CLINT1: variants seen among roughly 807,000 people sequenced by gnomAD.
The protein encoded by CLINT1 is clathrin interactor 1, also known as clathrin interacting protein localized in the trans-Golgi region.
A neutral mutation model predicts 70.4 loss-of-function variants in CLINT1; 15 were observed. That is an observed-to-expected ratio of 0.21 (90% CI 0.14 to 0.33). CLINT1 has a LOEUF of 0.33. CLINT1 is among the 10% of genes least tolerant of loss of function. The pLI, the probability that CLINT1 is intolerant of heterozygous loss-of-function variation, is 1.00. For missense variants in CLINT1, 615 were observed against 778.1 expected (o/e 0.79, Z 2.49); for synonymous variants, 227 against 254.7 (o/e 0.89, Z 1.04).
intron 5 of CLINT1, 40 bp from the exon 6 acceptor site, chr5:157,809,845 T>C (rs757226282): frequency 1.3e-6 from 2 of 1,571,736 alleles, no homozygotes; most frequent in Admixed American, 1.9e-5. Context: ...TCTAACGACA[T>C]TAAATTCAAA....
At chr5:157,829,465 C>T (rs548215390) in intron 1 of CLINT1, among the ~76,000 whole-genome samples, 1 of 152,292 alleles carries the variant, frequency 6.6e-6, no homozygotes, top group East Asian at 1.9e-4. Context: ...CAACTTTATT[C>T]ATGTAACACT....
At chr5:157,799,280 T>C (rs1467568566) in intron 8 of CLINT1, among the ~76,000 whole-genome samples, 2 of 152,040 alleles carry the variant, frequency 1.3e-5, no homozygotes, top group African/African-American at 4.8e-5. Context: ...CCTACCCAAA[T>C]GATAAGTTAG....
chr5:157,789,633 T>A (rs1173091194), intron 10 of CLINT1, 120 bp from the exon 11 acceptor site: 2 of 1,292,374 alleles, frequency 1.5e-6, no homozygotes, highest in African/African-American at 2.9e-5. Context: ...GATGGCAATT[T>A]AATCACAACA....
intron 1 of CLINT1, among the ~76,000 whole-genome samples, chr5:157,831,138 C>T (rs1342557343): frequency 1.3e-5 from 2 of 151,534 alleles, no homozygotes; most frequent in South Asian, 4.1e-4. Flanking sequence ...TTCTTAATAA[C>T]CCTCATTTAA....
chr5:157,830,794 CTCTATA>C (rs1256870803), intron 1 of CLINT1, among the ~76,000 whole-genome samples: 305 of 106,706 alleles, frequency 2.9e-3, no homozygotes, highest in East Asian at 9.2e-3. Flanking sequence ...CTCTCTCTCT[CTCTATA>C]TATATATATA....
At chr5:157,854,925 C>T (rs967387029) in intron 1 of CLINT1, among the ~76,000 whole-genome samples, 4 of 151,956 alleles carry the variant, frequency 2.6e-5, no homozygotes, top group Admixed American at 2.6e-4. Context: ...GGGTGGATCA[C>T]CTGAGGTCAC....
chr5:157,797,015 T>A (rs1442916223), intron 8 of CLINT1, among the ~76,000 whole-genome samples: 1 of 152,174 alleles, frequency 6.6e-6, no homozygotes, highest in Non-Finnish European at 1.5e-5. Context: ...AGTATCACAG[T>A]GATCTGGTTT....
At chr5:157,791,648 T>A in intron 10 of CLINT1, 55 bp downstream of exon 10, 1 of 1,475,200 alleles carries the variant, frequency 6.8e-7, no homozygotes, top group Non-Finnish European at 9.2e-7. Flanking sequence ...ATTCAATGAG[T>A]TAGAGCATCT....
At chr5:157,830,757 C>CCTCTCTCTCTCTCT (rs373819711) in intron 1 of CLINT1, among the ~76,000 whole-genome samples, 5 of 87,398 alleles carry the variant, frequency 5.7e-5, no homozygotes, top group Non-Finnish European at 6.4e-5. Flanking sequence ...CCTCTCTCTC[C>CCTCTCTCTCTCTCT]CTCTCTCTCT....
chr5:157,803,982 G>T (rs1231618432), intron 7 of CLINT1, among the ~76,000 whole-genome samples: 1 of 149,246 alleles, frequency 6.7e-6, no homozygotes, highest in Non-Finnish European at 1.5e-5. Flanking sequence ...ATTTCACTCT[G>T]GAAAATATTA....
At chr5:157,792,255 T>TA (rs71721366) in intron 9 of CLINT1, among the ~76,000 whole-genome samples, 20,272 of 150,814 alleles carry the variant, frequency 0.13, 1,768 homozygotes, top group African/African-American at 0.25. Context: ...GAATTTACCA[T>TA]AAAAAAAAAT....
chr5:157,813,868 G>A (rs1042512404), intron 4 of CLINT1, among the ~76,000 whole-genome samples: 6 of 152,114 alleles, frequency 3.9e-5, no homozygotes, highest in Non-Finnish European at 8.8e-5. Context: ...GTGTGTTTTG[G>A]AGCTCTAACC....
chr5:157,805,797 T>C (rs1581490279), intron 7 of CLINT1, 69 bp downstream of exon 7: 2 of 1,576,840 alleles, frequency 1.3e-6, no homozygotes, highest in Non-Finnish European at 1.7e-6. Context: ...AGCCTACTAA[T>C]GCAGGAATTC....
intron 4 of CLINT1, 124 bp from the exon 5 acceptor site, chr5:157,813,351 G>GA (rs1163179934): frequency 1.1e-6 from 1 of 884,466 alleles, no homozygotes; most frequent in East Asian, 2.7e-5. Context: ...AAAAACAATA[G>GA]AAAGGGGCAA....
chr5:157,857,159 A>C (rs1414284109), intron 1 of CLINT1, among the ~76,000 whole-genome samples: 1 of 151,014 alleles, frequency 6.6e-6, no homozygotes, highest in Admixed American at 6.6e-5. Flanking sequence ...AGGTGGGAGG[A>C]TCACTTGAGC....
intron 10 of CLINT1, chr5:157,791,480 G>T (rs1476322275): frequency 1.9e-6 from 1 of 529,716 alleles, no homozygotes; most frequent in East Asian, 3.2e-5. Flanking sequence ...GTGACTACAA[G>T]ATGGGGGAGA....
chr5:157,834,949 T>C (rs889241343), intron 1 of CLINT1, among the ~76,000 whole-genome samples: 2 of 152,144 alleles, frequency 1.3e-5, no homozygotes, highest in African/African-American at 2.4e-5. Flanking sequence ...AAATGTAACC[T>C]CAAAATCTGT....
chr5:157,841,708 T>C (rs1301628078), intron 1 of CLINT1, among the ~76,000 whole-genome samples: 1 of 152,158 alleles, frequency 6.6e-6, no homozygotes, highest in Non-Finnish European at 1.5e-5. Context: ...GAAGCCTCCA[T>C]CTGCGGAGCT....
Position 157,859,027 on chromosome 5 carries a change from A to C in CLINT1, c.-57T>G. 1.9e-6 allele frequency: 3 copies of C among 1,597,992 alleles called. No individual in the cohort carries two copies. Among genetic ancestry groups the C allele is most frequent in the Non-Finnish European group, 2.6e-6 (3 of 1,169,838 alleles). Reference sequence around the variant, plus strand: ...CTCTCCTGCTCCCCACGGACCCCGGAACACTTCCGTACCGGGGCAGTTCCA... The same window carrying C: ...CTCTCCTGCTCCCCACGGACCCCGGCACACTTCCGTACCGGGGCAGTTCCA... On this transcript the variant is annotated 5_prime_UTR_variant, in exon 1 of 12. Coordinates refer to ENST00000411809, the MANE Select transcript of CLINT1 (RefSeq NM_014666.4).
Sources: gnomAD v4.1 joint callset for allele counts (sites outside exome capture counted in the v4.1 genomes callset) on GRCh38, gnomAD v4.1.1 for gene constraint, MANE v1.5 for transcripts, NCBI Gene and HGNC (gene_info 2026-07-23, HGNC 2026-07-21) for gene names.